IL1RAPL1: variants seen among roughly 807,000 people sequenced by gnomAD.
IL1RAPL1 encodes the protein interleukin-1 receptor accessory protein-like 1.
A neutral mutation model predicts 48.4 loss-of-function variants in IL1RAPL1; 3 were observed. The ratio of observed to expected loss-of-function variants is 0.06; its 90% CI spans 0.03 to 0.16. IL1RAPL1 has a LOEUF of 0.16. Among genes scored for constraint, IL1RAPL1 ranks in the 10% least tolerant of loss-of-function variants. IL1RAPL1 has a pLI of 1.00. For synonymous variants in IL1RAPL1, 185 were observed against 187.7 expected (o/e 0.99, Z 0.12); for missense variants, 349 against 530.6 (o/e 0.66, Z 3.36).
At chrX:29,572,604 A>G (rs1368959212) in intron 5 of IL1RAPL1, among the ~76,000 whole-genome samples, 1 of 112,320 alleles carries the variant, frequency 8.9e-6, no homozygotes, top group Admixed American at 9.5e-5. Flanking sequence ...CATCTTCTAG[A>G]TTTTACACCA....
intron 3 of IL1RAPL1, among the ~76,000 whole-genome samples, chrX:29,347,418 T>C (rs1430408947): frequency 9.7e-6 from 1 of 102,760 alleles, no homozygotes; most frequent in Non-Finnish European, 2.0e-5. Flanking sequence ...AGAGAGGGTC[T>C]CTCTCTATCA....
intron 2 of IL1RAPL1, among the ~76,000 whole-genome samples, chrX:29,141,957 A>T (rs997418714): frequency 4.5e-5 from 3 of 66,622 alleles, no homozygotes; most frequent in African/African-American, 2.0e-4. Context: ...AGAATATTGT[A>T]GTAATATTTG....
At chrX:29,418,120 TA>T (rs58931924) in intron 5 of IL1RAPL1, among the ~76,000 whole-genome samples, 1,404 of 34,865 alleles carry the variant, frequency 0.04, 49 homozygotes, top group African/African-American at 0.085. Flanking sequence ...TATATATATA[TA>T]TATATTTTTT....
rs775741352 is a variant in IL1RAPL1, at chrX:29,316,317, G to C, written c.362+33100G>C. 5.4e-5 allele frequency among the ~76,000 whole-genome samples: 6 copies of C among 112,135 alleles called. No homozygotes were observed. The South Asian group carries it at 1.8e-3, about 35-fold the overall frequency. On this transcript the variant is annotated intron_variant, in intron 3 of 10. Transcript: ENST00000378993. ...TCACTGATGAACATTTTAGGCAAAAGTGGCCGATTTTGAAGATGACCTCGA... is the reference window on the plus strand; with the variant it reads ...TCACTGATGAACATTTTAGGCAAAACTGGCCGATTTTGAAGATGACCTCGA...
intron 1 of IL1RAPL1, among the ~76,000 whole-genome samples, chrX:28,664,530 G>C (rs920979266): frequency 2.7e-5 from 3 of 111,383 alleles, no homozygotes; most frequent in African/African-American, 9.8e-5. Context: ...TTTCTTTTTT[G>C]ATCTCCTCCA....
At chrX:29,407,335 C>T (rs768517577) in intron 5 of IL1RAPL1, among the ~76,000 whole-genome samples, 4 of 111,707 alleles carry the variant, frequency 3.6e-5, no homozygotes, top group African/African-American at 6.5e-5. Flanking sequence ...TATGACAAAG[C>T]GATATAGCTA....
rs201299964 is a variant in IL1RAPL1, at chrX:29,080,994, T to TTCTCTC, written c.83-201922_83-201917dup. Among the ~76,000 whole-genome samples the TTCTCTC allele has an allele frequency of 6.5e-3, 171 of 26,425 alleles. 2 individuals carry two copies. The highest frequency in any genetic ancestry group is 9.4e-3 in the Non-Finnish European group (120 of 12,751). The allele number at this position is 26,425 out of a possible 115,157, so 22.9% of individuals were successfully genotyped here. A position where few individuals can be genotyped will look rare whatever the true frequency, so the allele number is the denominator to read the frequency against. ...TTTCTTTCTTTCTTTCTTTCTTTCT[T>TTCTCTC]TCTCTCTCTCTCTCTCTCTCTCTCT... On this transcript the variant is annotated intron_variant, in intron 2 of 10. Transcript: ENST00000378993.
intron 5 of IL1RAPL1, among the ~76,000 whole-genome samples, chrX:29,637,089 A>G (rs889114855): frequency 2.7e-5 from 3 of 109,232 alleles, no homozygotes; most frequent in African/African-American, 1.0e-4. Context: ...CAGTCTGTCA[A>G]AAGGAAACTC....
intron 6 of IL1RAPL1, among the ~76,000 whole-genome samples, chrX:29,777,909 G>T (rs1055578994): frequency 3.2e-4 from 34 of 106,164 alleles, no homozygotes; most frequent in Non-Finnish European, 5.0e-4. Flanking sequence ...GTTTATTAGA[G>T]GGATTTTATA....
At chrX:28,820,549 T>C (rs1936926159) in intron 2 of IL1RAPL1, among the ~76,000 whole-genome samples, 1 of 111,969 alleles carries the variant, frequency 8.9e-6, no homozygotes, top group Non-Finnish European at 1.9e-5. Flanking sequence ...ATGGGATTAA[T>C]ACAAATAGTA....
At chrX:28,891,754 G>C (rs1394180343) in intron 2 of IL1RAPL1, among the ~76,000 whole-genome samples, 1 of 111,390 alleles carries the variant, frequency 9.0e-6, no homozygotes, top group East Asian at 2.8e-4. Flanking sequence ...GCAAGTTTTT[G>C]TGTGGAGATA....
rs749939989 is a variant in IL1RAPL1 at position 28,860,559 on chromosome X, G to C, written c.82+71134G>C. ...TGCAACCTCCACCTCCTGGGTTCAAGCAATTCTCCTGCCTCAGACTCCCGA... is the reference window on the plus strand; with the variant it reads ...TGCAACCTCCACCTCCTGGGTTCAACCAATTCTCCTGCCTCAGACTCCCGA... On this transcript the variant is annotated intron_variant, in intron 2 of 10. Coordinates refer to ENST00000378993, the MANE Select transcript of IL1RAPL1 (RefSeq NM_014271.4). 1.8e-4 allele frequency among the ~76,000 whole-genome samples: 19 copies of C among 108,081 alleles called. No homozygotes were observed. The South Asian group carries it at 7.4e-3, about 42-fold the overall frequency. 93.9% of individuals were successfully genotyped at this position (108,081 alleles called of 115,157 possible).
At chrX:29,011,588 C>T (rs1162007611) in intron 2 of IL1RAPL1, among the ~76,000 whole-genome samples, 1 of 112,200 alleles carries the variant, frequency 8.9e-6, no homozygotes, top group Non-Finnish European at 1.9e-5. Context: ...TAGTGACAAA[C>T]AACAGATCGG....
At chrX:29,469,035 A>T (rs1193937971) in intron 5 of IL1RAPL1, among the ~76,000 whole-genome samples, 1 of 111,675 alleles carries the variant, frequency 9.0e-6, no homozygotes, top group East Asian at 2.8e-4. Flanking sequence ...TAAAGATAAT[A>T]ACGTCTGCCT....
intron 9 of IL1RAPL1, among the ~76,000 whole-genome samples, chrX:29,942,544 C>T (rs1275420904): frequency 1.8e-5 from 2 of 110,761 alleles, no homozygotes; most frequent in Admixed American, 1.9e-4. Context: ...GGAAAATAAA[C>T]TAAGATAAAC....
rs935676483 is a variant in IL1RAPL1, at chrX:29,156,054, A to C, written c.83-126884A>C. Among the ~76,000 whole-genome samples, 12 of 111,321 alleles carry C rather than the reference A, an allele frequency of 1.1e-4. No homozygotes were observed. The Admixed American group carries it at 1.2e-3, about 11-fold the overall frequency. On this transcript the variant is annotated intron_variant, in intron 2 of 10. Coordinates refer to ENST00000378993, the MANE Select transcript of IL1RAPL1 (RefSeq NM_014271.4). ...TTTATTTATTGCATCTACCCTCTTG[A>C]CACTATTTCAAAGTGTGCATAAGTA...
chrX:28,733,695 C>A (rs1935784607), intron 1 of IL1RAPL1, among the ~76,000 whole-genome samples: 1 of 111,400 alleles, frequency 9.0e-6, no homozygotes, highest in African/African-American at 3.3e-5. Context: ...AAGCCAGTCT[C>A]ATTCCTTGGT....
intron 3 of IL1RAPL1, among the ~76,000 whole-genome samples, chrX:29,380,113 T>C (rs1469303183): frequency 1.9e-5 from 2 of 106,791 alleles, no homozygotes; most frequent in Non-Finnish European, 3.9e-5. Flanking sequence ...AGACCATTCT[T>C]TTTTTTTTTT....
chrX:29,237,618 G>T (rs187528083), intron 2 of IL1RAPL1, among the ~76,000 whole-genome samples: 10 of 112,660 alleles, frequency 8.9e-5, no homozygotes, highest in South Asian at 3.6e-4. Context: ...CATATTAAGG[G>T]CCCTGAATAC....
Sources: allele counts gnomAD v4.1 joint callset (sites outside exome capture counted in the v4.1 genomes callset), GRCh38; gene constraint gnomAD v4.1.1; transcripts MANE v1.5; gene names NCBI Gene and HGNC (gene_info 2026-07-23, HGNC 2026-07-21).